GRIN2A: variants seen among roughly 807,000 people sequenced by gnomAD.
The protein encoded by GRIN2A is glutamate receptor ionotropic, NMDA 2A.
Under a neutral mutation model 113.4 loss-of-function variants are expected in GRIN2A, and 22 were observed. That is an observed-to-expected ratio of 0.19 (90% CI 0.14 to 0.28). GRIN2A has a LOEUF of 0.28. GRIN2A is among the 10% of genes least tolerant of loss of function. GRIN2A has a pLI of 1.00. For missense variants in GRIN2A, 1,502 were observed against 1,887.0 expected (o/e 0.80, Z 3.78); for synonymous variants, 827 against 738.4 (o/e 1.12, Z -1.94).
intron 2 of GRIN2A, among the ~76,000 whole-genome samples, chr16:9,988,546 C>G (rs577216300): frequency 6.6e-6 from 1 of 151,126 alleles, no homozygotes; most frequent in South Asian, 2.1e-4. Context: ...CAATTAATCT[C>G]TCTCTCTCTC....
intron 11 of GRIN2A, among the ~76,000 whole-genome samples, chr16:9,775,770 C>A (rs905079603): frequency 1.3e-5 from 2 of 152,188 alleles, no homozygotes; most frequent in African/African-American, 4.8e-5. Context: ...CTTAGTGGAC[C>A]CAAGGTTCTT....
Position 9,884,156 on chromosome 16 carries a change from A to G in GRIN2A, c.1122+6830T>C, listed in dbSNP as rs547059566. ...TATCAAAACGTCATGTGCACTAAAA[A>G]TATCTACAATTTTTATTTGTTAACT... On this transcript the variant is annotated intron_variant, in intron 4 of 12. Coordinates refer to ENST00000330684, the MANE Select transcript of GRIN2A (RefSeq NM_001134407.3). Among the ~76,000 whole-genome samples the G allele has an allele frequency of 3.9e-4, 59 of 152,358 alleles. 1 individual carries two copies. The South Asian group carries it at 0.01, about 27-fold the overall frequency.
At chr16:9,878,433 C>G (rs1191046313) in intron 4 of GRIN2A, among the ~76,000 whole-genome samples, 2 of 152,126 alleles carry the variant, frequency 1.3e-5, no homozygotes, top group African/African-American at 4.8e-5. Context: ...TCCTAACAAC[C>G]TAGGAGGTCA....
intron 2 of GRIN2A, among the ~76,000 whole-genome samples, chr16:9,945,256 G>A (rs2044990574): frequency 6.6e-6 from 1 of 152,084 alleles, no homozygotes; most frequent in South Asian, 2.1e-4. Flanking sequence ...CCCACTCTAG[G>A]TCATCTGATC....
rs576622194 is a variant in GRIN2A at position 10,152,953 on chromosome 16, G to A, written c.414+27045C>T. On this transcript the variant is annotated intron_variant, in intron 2 of 12. Transcript: ENST00000330684. Reference sequence around the variant, plus strand: ...GTAGGGGCTTAGGGAAGAATAAATAGGTAGAACATAGATGATTTTTTTTCA... The same window carrying A: ...GTAGGGGCTTAGGGAAGAATAAATAAGTAGAACATAGATGATTTTTTTTCA... 2.6e-5 allele frequency among the ~76,000 whole-genome samples: 4 copies of A among 152,226 alleles called. No homozygotes were observed. In the East Asian group the frequency reaches 7.7e-4, roughly 29 times the overall value.
At chr16:10,096,782 G>A (rs981052566) in intron 2 of GRIN2A, among the ~76,000 whole-genome samples, 1 of 151,954 alleles carries the variant, frequency 6.6e-6, no homozygotes, top group Non-Finnish European at 1.5e-5. Context: ...TTCCCCTACT[G>A]GTCAGTCCCC....
intron 4 of GRIN2A, among the ~76,000 whole-genome samples, chr16:9,863,485 C>T (rs923865730): frequency 1.3e-5 from 2 of 152,164 alleles, no homozygotes; most frequent in African/African-American, 4.8e-5. Context: ...CAGAAAATAC[C>T]TCTAACAGCA....
intron 4 of GRIN2A, among the ~76,000 whole-genome samples, chr16:9,883,933 A>G (rs748621560): frequency 6.6e-6 from 1 of 152,224 alleles, no homozygotes; most frequent in Non-Finnish European, 1.5e-5. Flanking sequence ...GAACATCGGT[A>G]TCATCTTTAA....
chr16:10,078,781 A>G (rs1185101872), intron 2 of GRIN2A, among the ~76,000 whole-genome samples: 1 of 152,164 alleles, frequency 6.6e-6, no homozygotes, highest in Non-Finnish European at 1.5e-5. Flanking sequence ...TGATGTCACC[A>G]CTACCCCCTC....
intron 3 of GRIN2A, among the ~76,000 whole-genome samples, chr16:9,926,701 A>C (rs906078849): frequency 1.8e-4 from 28 of 152,326 alleles, no homozygotes; most frequent in African/African-American, 6.7e-4. Context: ...AAAGCCCTGG[A>C]GGTAACATGG....
At chr16:9,931,706 C>T (rs939259339) in intron 3 of GRIN2A, among the ~76,000 whole-genome samples, 2 of 152,162 alleles carry the variant, frequency 1.3e-5, no homozygotes, top group Non-Finnish European at 2.9e-5. Flanking sequence ...TGTGTCCCCT[C>T]CGCTGTGGAA....
intron 2 of GRIN2A, among the ~76,000 whole-genome samples, chr16:10,116,944 C>T (rs1209199055): frequency 5.3e-5 from 8 of 152,074 alleles, no homozygotes; most frequent in Non-Finnish European, 1.0e-4. Flanking sequence ...AGGTGAGAAG[C>T]CATCACTGTG....
chr16:10,057,935 T>C (rs2047482917), intron 2 of GRIN2A, among the ~76,000 whole-genome samples: 1 of 152,128 alleles, frequency 6.6e-6, no homozygotes, highest in Non-Finnish European at 1.5e-5. Context: ...AAATTCCTTC[T>C]CAGAACAGAG....
chr16:9,759,396 G>C lies in GRIN2A; in HGVS notation c.*3753C>G, dbSNP rs78426284. The C allele has an allele frequency of 0.016, 3,560 of 224,610 alleles. 61 individuals are homozygous for C. Among genetic ancestry groups the C allele is most frequent in the South Asian group, 0.039 (211 of 5,462 alleles). 13.9% of individuals were successfully genotyped at this position (224,610 alleles called of 1,614,324 possible). On this transcript the variant is annotated 3_prime_UTR_variant, in exon 13 of 13. Transcript: ENST00000330684. Reference sequence around the variant, plus strand: ...GAATATTAAATACACATCAGTGGTCGACATAGCAAATAGAATAAACAATGT... The same window carrying C: ...GAATATTAAATACACATCAGTGGTCCACATAGCAAATAGAATAAACAATGT...
At chr16:10,097,986 G>C (rs978374920) in intron 2 of GRIN2A, among the ~76,000 whole-genome samples, 2 of 152,118 alleles carry the variant, frequency 1.3e-5, no homozygotes, top group Non-Finnish European at 2.9e-5. Flanking sequence ...CAAAAGAACA[G>C]TCAGCAGACT....
At chr16:9,843,454 C>T (rs142956102) in intron 5 of GRIN2A, among the ~76,000 whole-genome samples, 2 of 152,252 alleles carry the variant, frequency 1.3e-5, no homozygotes, top group South Asian at 2.1e-4. Flanking sequence ...TTTGGCCTTT[C>T]AAAGTGCTGG....
rs1555482367 is a variant in GRIN2A at position 9,763,997 on chromosome 16, G to T, written c.3547C>A (p.Gln1183Lys). Residue 1183 changes from glutamine to lysine, a missense_variant, in exon 13 of 13, where the codon CAG (glutamine) becomes AAG (lysine). Around this residue, in one of 7 missense-constraint regions of GRIN2A, gnomAD observed 832 missense variants for 789.7 expected, o/e 1.05. Transcript: ENST00000330684. The stretch of plus-strand genomic sequence containing the variant: ...AAGTGCTTGGAGTAGAGTTTATACT[G>T]GTCGTTGTTGGAAAGCCCCTCTTCA... The part of the protein sequence containing the change: ...HNEEGLSNND[Q>K]YKLYSKHFTL... 1 of 1,614,160 alleles carries T rather than the reference G, an allele frequency of 6.2e-7. No homozygotes were observed. Among genetic ancestry groups the T allele is most frequent in the Non-Finnish European group, 8.5e-7 (1 of 1,180,022 alleles).
intron 2 of GRIN2A, among the ~76,000 whole-genome samples, chr16:9,990,031 G>C (rs1034174213): frequency 5.3e-5 from 8 of 152,170 alleles, no homozygotes; most frequent in African/African-American, 1.7e-4. Context: ...CCCATCACTG[G>C]GTATATGCCC....
chr16:9,951,011 T>G (rs944158917), intron 2 of GRIN2A, among the ~76,000 whole-genome samples: 1 of 152,316 alleles, frequency 6.6e-6, no homozygotes, highest in South Asian at 2.1e-4. Context: ...AAACCCTTGC[T>G]CTTCACCACT....
Sources: allele counts gnomAD v4.1 joint callset (sites outside exome capture counted in the v4.1 genomes callset), GRCh38; gene constraint gnomAD v4.1.1; regional missense constraint gnomAD v4.1.1; transcripts MANE v1.5; gene names NCBI Gene and HGNC (gene_info 2026-07-23, HGNC 2026-07-21).